The following ENOX1 variants were observed in gnomAD, a reference collection of about 807,000 sequenced individuals.
The protein encoded by ENOX1 is ecto-NOX disulfide-thiol exchanger 1.
A neutral mutation model predicts 82.5 loss-of-function variants in ENOX1; 42 were observed. That is an observed-to-expected ratio of 0.51 (90% confidence interval 0.40 to 0.66). The LOEUF (loss-of-function observed/expected upper bound fraction) is 0.66. Among genes scored for constraint, ENOX1 ranks in the 30% least tolerant of loss-of-function variants. The pLI is 0.00. For synonymous variants in ENOX1, 271 were observed against 282.2 expected (o/e 0.96, Z 0.40); for missense variants, 608 against 811.6 (o/e 0.75, Z 3.05).
At chr13:43,310,402 AT>A (rs879744048) in intron 11 of ENOX1, among the ~76,000 whole-genome samples, 4 of 152,040 alleles carry the variant, frequency 2.6e-5, no homozygotes, top group South Asian at 2.1e-4. Context: ...ATATTCAATG[AT>A]TTTTTTAAAA....
chr13:43,310,508 A>C (rs2047140871), intron 11 of ENOX1, among the ~76,000 whole-genome samples: 1 of 152,202 alleles, frequency 6.6e-6, no homozygotes, highest in Admixed American at 6.5e-5. Flanking sequence ...TCTTGTTACT[A>C]GCTTTTTATT....
intron 1 of ENOX1, among the ~76,000 whole-genome samples, chr13:43,731,889 AAAAG>A (rs1345349539): frequency 1.3e-5 from 2 of 152,232 alleles, no homozygotes; most frequent in African/African-American, 2.4e-5. Context: ...CACTGCAGAG[AAAAG>A]AAAGGAGCTT....
chr13:43,608,698 T>C (rs1469621597), intron 2 of ENOX1, among the ~76,000 whole-genome samples: 1 of 152,170 alleles, frequency 6.6e-6, no homozygotes, highest in Non-Finnish European at 1.5e-5. Flanking sequence ...GATGTCATGA[T>C]TGCTTTTTGG....
At chr13:43,311,141 T>C (rs757521963) in intron 11 of ENOX1, among the ~76,000 whole-genome samples, 2 of 151,866 alleles carry the variant, frequency 1.3e-5, no homozygotes, top group Non-Finnish European at 1.5e-5. Flanking sequence ...CGACATAACA[T>C]AGTGCTCTGC....
chr13:43,505,741 A>G (rs538529916), intron 2 of ENOX1, among the ~76,000 whole-genome samples: 158 of 152,210 alleles, frequency 1.0e-3, no homozygotes, highest in Non-Finnish European at 1.8e-3. Context: ...GCTGTGCAGA[A>G]GCTCTTTAGT....
At chr13:43,666,517 A>G (rs184836716) in intron 2 of ENOX1, among the ~76,000 whole-genome samples, 64 of 152,252 alleles carry the variant, frequency 4.2e-4, no homozygotes, top group African/African-American at 1.5e-3. Flanking sequence ...GGAGAATGCC[A>G]TCTATAAGTC....
At chr13:43,394,591 A>T (rs2053017092) in intron 5 of ENOX1, 1 of 152,338 alleles carries the variant, frequency 6.6e-6, no homozygotes, top group South Asian at 2.1e-4. Context: ...CAAGAACACA[A>T]GCAAGCCGAG....
chr13:43,526,566 C>T (rs1426786248), intron 2 of ENOX1, among the ~76,000 whole-genome samples: 1 of 152,048 alleles, frequency 6.6e-6, no homozygotes, highest in Non-Finnish European at 1.5e-5. Context: ...TTTAGCAGAA[C>T]ATTTTGGAGT....
chr13:43,516,644 T>C (rs1040104929), intron 2 of ENOX1, among the ~76,000 whole-genome samples: 1 of 152,174 alleles, frequency 6.6e-6, no homozygotes, highest in Admixed American at 6.5e-5. Flanking sequence ...TGCAGTACTT[T>C]GGTTCTTTGG....
intron 2 of ENOX1, among the ~76,000 whole-genome samples, chr13:43,571,550 C>T (rs970942617): frequency 3.3e-5 from 5 of 151,512 alleles, no homozygotes; most frequent in African/African-American, 7.3e-5. Context: ...ATTAGCCGGG[C>T]GTGGTAGTGC....
At chr13:43,556,217 T>C (rs2079429295) in intron 2 of ENOX1, among the ~76,000 whole-genome samples, 1 of 108,904 alleles carries the variant, frequency 9.2e-6, no homozygotes, top group African/African-American at 3.5e-5. Context: ...AAGAAGTTAC[T>C]AGGCTAACTT....
chr13:43,324,183 T>G (rs939201775), intron 10 of ENOX1, among the ~76,000 whole-genome samples: 1 of 152,240 alleles, frequency 6.6e-6, no homozygotes, highest in East Asian at 1.9e-4. Flanking sequence ...CTAATTTTTC[T>G]ACTGACAAAG....
intron 8 of ENOX1, among the ~76,000 whole-genome samples, chr13:43,346,170 C>T (rs1032147575): frequency 6.6e-6 from 1 of 152,170 alleles, no homozygotes; most frequent in Non-Finnish European, 1.5e-5. Flanking sequence ...GACCTCCTCC[C>T]AGACCAGGAG....
intron 2 of ENOX1, among the ~76,000 whole-genome samples, chr13:43,617,595 A>G (rs1478501598): frequency 6.6e-6 from 1 of 152,212 alleles, no homozygotes; most frequent in African/African-American, 2.4e-5. Flanking sequence ...TGGTTTATAT[A>G]TACCACGGTT....
At chr13:43,273,859 C>T (rs542315658) in intron 12 of ENOX1, among the ~76,000 whole-genome samples, 1 of 152,182 alleles carries the variant, frequency 6.6e-6, no homozygotes. Flanking sequence ...TCTTCCCAAC[C>T]AGACTACATT....
chr13:43,705,330 C>CTCTCTCTCTATA (rs141765196), intron 1 of ENOX1, among the ~76,000 whole-genome samples: 9 of 129,864 alleles, frequency 6.9e-5, no homozygotes, highest in African/African-American at 2.6e-4. Flanking sequence ...CTCTCTCTCT[C>CTCTCTCTCTATA]TATATATATA....
intron 3 of ENOX1, among the ~76,000 whole-genome samples, chr13:43,423,540 C>A (rs1239549254): frequency 6.6e-6 from 1 of 152,216 alleles, no homozygotes; most frequent in African/African-American, 2.4e-5. Flanking sequence ...CAAAATGTTT[C>A]TGACAGGCAA....
At chr13:43,531,468 T>C (rs1276669902) in intron 2 of ENOX1, among the ~76,000 whole-genome samples, 1 of 150,370 alleles carries the variant, frequency 6.7e-6, no homozygotes, top group Non-Finnish European at 1.5e-5. Context: ...ACTTTTACAC[T>C]GTTGGTGGGA....
chr13:43,243,500 C>T (rs1353683803), intron 14 of ENOX1, among the ~76,000 whole-genome samples: 6 of 152,200 alleles, frequency 3.9e-5, no homozygotes, highest in African/African-American at 1.2e-4. Context: ...GTTGAGCAGG[C>T]TGGTCTTGAA....
Sources: allele counts gnomAD v4.1 joint callset (sites outside exome capture counted in the v4.1 genomes callset), GRCh38; gene constraint gnomAD v4.1.1; transcripts MANE v1.5; gene names NCBI Gene and HGNC (gene_info 2026-07-23, HGNC 2026-07-21).